The following FARS2 variants were observed in gnomAD, a reference collection of about 807,000 sequenced individuals.
FARS2 encodes phenylalanine--tRNA ligase, mitochondrial.
FARS2 carries 40 observed loss-of-function variants against 46.4 expected under a neutral mutation model. The ratio of observed to expected loss-of-function variants is 0.86; its 90% CI spans 0.67 to 1.12. The LOEUF (loss-of-function observed/expected upper bound fraction) is 1.12, where lower values mean the gene tolerates loss of function less well. FARS2 is among the 50% of genes most tolerant of loss of function. The probability of loss-of-function intolerance (pLI) is 0.00; values close to 1 mark genes in which losing one functional copy is unlikely to be tolerated. For missense variants in FARS2, 513 were observed against 567.9 expected (o/e 0.90, Z 0.98); for synonymous variants, 234 against 214.9 (o/e 1.09, Z -0.78).
At chr6:5,460,019 C>G (rs919012011) in intron 4 of FARS2, among the ~76,000 whole-genome samples, 4 of 152,252 alleles carry the variant, frequency 2.6e-5, no homozygotes, top group African/African-American at 9.6e-5. Flanking sequence ...ATTCATCTAA[C>G]TTCTCTGCAG....
At chr6:5,389,020 C>T (rs2127685275) in intron 2 of FARS2, among the ~76,000 whole-genome samples, 1 of 152,194 alleles carries the variant, frequency 6.6e-6, no homozygotes, top group Non-Finnish European at 1.5e-5. Flanking sequence ...TTGTTGCCCT[C>T]CCCTCACATC....
chr6:5,329,354 AGTATTTTTCAATT>A (rs758839069), intron 1 of FARS2, among the ~76,000 whole-genome samples: 4 of 152,260 alleles, frequency 2.6e-5, no homozygotes, highest in Non-Finnish European at 5.9e-5. Context: ...TGAATTCACC[AGTATTTTTCAATT>A]GTCTTTTTGT....
intron 1 of FARS2, among the ~76,000 whole-genome samples, chr6:5,267,794 G>C (rs1027861910): frequency 2.0e-5 from 3 of 150,964 alleles, no homozygotes; most frequent in African/African-American, 7.3e-5. Flanking sequence ...TTCCACAATG[G>C]TTGAACTAGT....
chr6:5,758,454 T>A (rs1339647010), intron 6 of FARS2, among the ~76,000 whole-genome samples: 1 of 152,174 alleles, frequency 6.6e-6, no homozygotes, highest in Non-Finnish European at 1.5e-5. Context: ...AGTAACACTG[T>A]GAAGCAGTTG....
At chr6:5,632,588 C>T (rs1776343842) in intron 6 of FARS2, among the ~76,000 whole-genome samples, 2 of 149,974 alleles carry the variant, frequency 1.3e-5, no homozygotes, top group East Asian at 2.0e-4. Context: ...CTTCCCCCTT[C>T]CCCCTTCCCG....
chr6:5,357,422 A>G (rs952514434), intron 1 of FARS2, among the ~76,000 whole-genome samples: 2 of 152,220 alleles, frequency 1.3e-5, no homozygotes, highest in Non-Finnish European at 2.9e-5. Context: ...AAGTTGCTTA[A>G]GATCTGACAG....
At chr6:5,705,255 A>G (rs1034279068) in intron 6 of FARS2, among the ~76,000 whole-genome samples, 1 of 152,252 alleles carries the variant, frequency 6.6e-6, no homozygotes, top group Admixed American at 6.5e-5. Context: ...GTTTTTTAAT[A>G]GTCCCAGGTA....
At chr6:5,573,778 G>A (rs1772796474) in intron 5 of FARS2, among the ~76,000 whole-genome samples, 1 of 152,204 alleles carries the variant, frequency 6.6e-6, no homozygotes, top group African/African-American at 2.4e-5. Context: ...GGGCATGGGA[G>A]ATCCTTAAGT....
rs540014728 is a variant in FARS2 at position 5,676,289 on chromosome 6, C to A, written c.1217+62969C>A. On this transcript the variant is annotated intron_variant, in intron 6 of 6. Coordinates refer to ENST00000274680, the MANE Select transcript of FARS2 (RefSeq NM_006567.5). ...TATAGATGATTTCATTTATTTGATT[C>A]TTCTCTTTCCTCCTACATTCTCAGA... Among the ~76,000 whole-genome samples, 8 of 152,256 alleles carry A rather than the reference C, an allele frequency of 5.3e-5. No individual in the cohort carries two copies. The South Asian group carries it at 1.0e-3, about 20-fold the overall frequency.
At chr6:5,563,898 A>G (rs1772164025) in intron 5 of FARS2, among the ~76,000 whole-genome samples, 1 of 152,184 alleles carries the variant, frequency 6.6e-6, no homozygotes, top group Admixed American at 6.5e-5. Flanking sequence ...ATTTTCCCTG[A>G]GCCTGTCAAC....
chr6:5,260,397 T>C (rs1038846276), upstream of FARS2, among the ~76,000 whole-genome samples: 2 of 152,340 alleles, frequency 1.3e-5, no homozygotes, highest in Middle Eastern at 6.8e-3. Flanking sequence ...ACTACCAAGA[T>C]AGCCTTTAGG....
At chr6:5,611,468 A>C (rs1321724185) in intron 5 of FARS2, among the ~76,000 whole-genome samples, 2 of 152,186 alleles carry the variant, frequency 1.3e-5, no homozygotes, top group African/African-American at 4.8e-5. Flanking sequence ...CTCAGTAACC[A>C]TGATCTGTAG....
At chr6:5,599,999 T>A (rs1774420657) in intron 5 of FARS2, among the ~76,000 whole-genome samples, 1 of 152,206 alleles carries the variant, frequency 6.6e-6, no homozygotes, top group African/African-American at 2.4e-5. Context: ...AATGGGCTCT[T>A]ACTCCCCTGT....
chr6:5,692,336 C>G (rs891809069), intron 6 of FARS2, among the ~76,000 whole-genome samples: 8 of 152,214 alleles, frequency 5.3e-5, no homozygotes, highest in Admixed American at 2.0e-4. Flanking sequence ...GCTCCACCCC[C>G]CTTCTATGAA....
chr6:5,381,022 A>T (rs930693626), intron 2 of FARS2, among the ~76,000 whole-genome samples: 2 of 127,846 alleles, frequency 1.6e-5, no homozygotes, highest in Non-Finnish European at 3.3e-5. Context: ...TTATTATGAG[A>T]CAGAGTCTCG....
intron 3 of FARS2, among the ~76,000 whole-genome samples, chr6:5,410,149 G>GTTTTTTTTTTTTTTTTTTTT (rs1171325752): frequency 8.3e-6 from 1 of 120,542 alleles, no homozygotes. Flanking sequence ...TCGTTTTTGT[G>GTTTTTTTTTTTTTTTTTTTT]TTTTTTTGTT....
intron 2 of FARS2, among the ~76,000 whole-genome samples, chr6:5,383,537 C>T (rs1184627038): frequency 1.3e-5 from 2 of 149,398 alleles, no homozygotes; most frequent in Non-Finnish European, 3.0e-5. Context: ...CTCTGAACTT[C>T]AGCGTCCATA....
At chr6:5,399,130 A>ATTT (rs1287883331) in intron 2 of FARS2, among the ~76,000 whole-genome samples, 2 of 23,910 alleles carry the variant, frequency 8.4e-5, no homozygotes, top group African/African-American at 1.3e-4. Context: ...ATATTATTTT[A>ATTT]TTATTATTAT....
chr6:5,767,132 T>C (rs1032659626), intron 6 of FARS2, among the ~76,000 whole-genome samples: 1 of 152,056 alleles, frequency 6.6e-6, no homozygotes, highest in Non-Finnish European at 1.5e-5. Flanking sequence ...CTCCACTCAC[T>C]GCAACCTCCA....
Sources: gnomAD v4.1 joint callset for allele counts (sites outside exome capture counted in the v4.1 genomes callset) on GRCh38, gnomAD v4.1.1 for gene constraint, MANE v1.5 for transcripts, NCBI Gene and HGNC (gene_info 2026-07-23, HGNC 2026-07-21) for gene names.